Variants in TOP1 observed in about 807,000 individuals in gnomAD.
The protein encoded by TOP1 is DNA topoisomerase I.
Under a neutral mutation model 111.1 loss-of-function variants are expected in TOP1, and 10 were observed. That is an observed-to-expected ratio of 0.09 (90% confidence interval 0.06 to 0.15). The LOEUF is 0.15. TOP1 is among the 10% of genes least tolerant of loss of function. The probability of loss-of-function intolerance (pLI) is 1.00; values close to 1 mark genes in which losing one functional copy is unlikely to be tolerated. For missense variants in TOP1, 474 were observed against 926.7 expected (o/e 0.51, Z 6.34); for synonymous variants, 271 against 302.9 (o/e 0.89, Z 1.10).
chr20:41,077,452 TC>T (rs2033741598), intron 4 of TOP1, 129 bp from the exon 5 acceptor site: 2 of 709,442 alleles, frequency 2.8e-6, no homozygotes, highest in Non-Finnish European at 4.9e-6. Flanking sequence ...GTTCATCTGT[TC>T]AGTTTTGGTA....
At chr20:41,060,883 T>G (rs774890652) in intron 2 of TOP1, among the ~76,000 whole-genome samples, 9 of 152,214 alleles carry the variant, frequency 5.9e-5, no homozygotes, top group Non-Finnish European at 1.3e-4. Flanking sequence ...ACTATTTTTA[T>G]TTTTCCTTGA....
chr20:41,119,388 G>A (rs1322771806), intron 18 of TOP1, among the ~76,000 whole-genome samples: 3 of 152,182 alleles, frequency 2.0e-5, no homozygotes, highest in Non-Finnish European at 4.4e-5. Flanking sequence ...GTTGAGGTGG[G>A]AGAATCACTT....
Position 41,094,465 on chromosome 20 carries a change from T to C in TOP1, c.730+1878T>C, listed in dbSNP as rs1231215269. Among the ~76,000 whole-genome samples, 2 of 152,164 alleles carry C rather than the reference T, an allele frequency of 1.3e-5. No homozygotes were observed. The highest frequency in any genetic ancestry group is 4.8e-5 in the African/African-American group (2 of 41,438). On this transcript the variant is annotated intron_variant, in intron 9 of 20. Transcript: ENST00000361337. The surrounding 1 kb of genome is among the most constrained non-coding windows in gnomAD (Gnocchi z 4.4). ...GGTTCAAAGTGATGGGAGGGAAAGC[T>C]AGATTCCCTAGTCCTGTGGTTTCTC...
Position 41,115,439 on chromosome 20 carries a change from T to C in TOP1, c.1707T>C (p.Asn569=). The change falls in exon 16 of 21, where the codon AAT becomes AAC. Residue 569 remains asparagine (N), a splice_region_variant and synonymous_variant. Transcript: ENST00000361337. The surrounding 1 kb of genome is among the most constrained non-coding windows in gnomAD (Gnocchi z 6.3). ...QPEDDLFDRL[N]TGILNKHLQD... is the part of the protein sequence containing the mutation. ...AGGATGATCTTTTTGATAGACTCAA[T>C]GTGAGTAGATGAAGCACACAATGTT... is the stretch of plus-strand genomic sequence containing the variant. 1 of 1,610,136 alleles carries C rather than the reference T, an allele frequency of 6.2e-7. No homozygotes were observed. Among genetic ancestry groups the C allele is most frequent in the Non-Finnish European group, 8.5e-7 (1 of 1,176,496 alleles).
chr20:41,086,264 A>C (rs2033847420), intron 8 of TOP1, among the ~76,000 whole-genome samples: 1 of 140,996 alleles, frequency 7.1e-6, no homozygotes, highest in African/African-American at 2.5e-5. Flanking sequence ...CTCTGTCTCA[A>C]AAAAAAAAAA....
Position 41,076,308 on chromosome 20 carries a change from T to C in TOP1, c.279+14T>C. 2 of 1,596,634 alleles carry C rather than the reference T, an allele frequency of 1.3e-6. No homozygotes were observed. The highest frequency in any genetic ancestry group is 1.7e-6 in the Non-Finnish European group (2 of 1,173,780). On this transcript the variant is annotated intron_variant, in intron 4 of 20. Transcript: ENST00000361337. ...AAAGAGGAAAAGGTACAGAGTTTTC[T>C]AGTAGGGGAGGAAGGAACGTGGATG... is the stretch of plus-strand genomic sequence containing the variant.
In TOP1 at chr20:41,100,594, G is replaced by A; in HGVS notation, c.1163+351G>A. 5.1e-6 allele frequency: 1 copy of A among 194,572 alleles called. No homozygotes were observed. Among genetic ancestry groups the A allele is most frequent in the Non-Finnish European group, 1.0e-5 (1 of 95,954 alleles). The allele number at this position is 194,572 out of a possible 1,614,324, so 12.1% of individuals were successfully genotyped here. On this transcript the variant is annotated intron_variant, in intron 12 of 20. Coordinates refer to ENST00000361337, the MANE Select transcript of TOP1 (RefSeq NM_003286.4). This position sits in a 1 kb window ranked among gnomAD's most constrained non-coding sequence, Gnocchi z 4.4. ...AACTTTTGCAGTCTGAGGCACAACA[G>A]CAAAACTAGCACGACTTTCTTTTTC...
At chr20:41,113,935 C>T in intron 14 of TOP1, 35 bp from the exon 15 acceptor site, 1 of 1,515,266 alleles carries the variant, frequency 6.6e-7, no homozygotes, top group South Asian at 1.1e-5. Flanking sequence ...ATGTCTCTTC[C>T]ATTCATGCTC....
chr20:41,031,025 A>C (rs1329800334), intron 2 of TOP1, among the ~76,000 whole-genome samples: 2 of 152,352 alleles, frequency 1.3e-5, no homozygotes, highest in East Asian at 3.9e-4. Context: ...ATGTGTACCC[A>C]AAATGCTTTG....
At chr20:41,066,557 C>CTTTTTTTTTTT (rs776922601) in intron 3 of TOP1, among the ~76,000 whole-genome samples, 2 of 129,402 alleles carry the variant, frequency 1.5e-5, no homozygotes, top group Admixed American at 7.9e-5. Flanking sequence ...CTTTTCTTTT[C>CTTTTTTTTTTT]TTTTTTTTTT....
chr20:41,052,121 A>G (rs2033413032), intron 2 of TOP1, among the ~76,000 whole-genome samples: 1 of 152,164 alleles, frequency 6.6e-6, no homozygotes, highest in African/African-American at 2.4e-5. Context: ...GCTCTTTACC[A>G]CTGATTTATG....
chr20:41,091,225 A>T (rs1319795485), intron 8 of TOP1, among the ~76,000 whole-genome samples: 1 of 152,220 alleles, frequency 6.6e-6, no homozygotes, highest in East Asian at 1.9e-4. Flanking sequence ...AAAATATTGT[A>T]CTTGGAAAGT....
chr20:41,108,679 T>C (rs2034186492), intron 13 of TOP1, among the ~76,000 whole-genome samples: 1 of 152,184 alleles, frequency 6.6e-6, no homozygotes, highest in Non-Finnish European at 1.5e-5. Flanking sequence ...CCATTCTTTC[T>C]CTCCCACTCT....
At position 41,069,164 on chromosome 20, in the gene TOP1, T is replaced by C. The variant is rs2033642447; in HGVS notation, c.156-7007T>C. On this transcript the variant is annotated intron_variant, in intron 3 of 20. Transcript: ENST00000361337. The surrounding 1 kb of genome is among the most constrained non-coding windows in gnomAD (Gnocchi z 4.1). ...CCTACCTGAATTGTAATTGAGAGAA[T>C]GTAGGATTTTAGGAATATGCACTTG... 1.3e-5 allele frequency among the ~76,000 whole-genome samples: 2 copies of C among 152,238 alleles called. No individual in the cohort carries two copies. The highest frequency in any genetic ancestry group is 2.9e-5 in the Non-Finnish European group (2 of 68,038).
Position 41,116,061 on chromosome 20 carries a change from G to T in TOP1, c.1708-217G>T, listed in dbSNP as rs534729351. ...CACTCCAGGCTGGGTGTCAGAGTGA[G>T]ACCCTGTCATACACACACACAAAGA... On this transcript the variant is annotated intron_variant, in intron 16 of 20. Coordinates refer to ENST00000361337, the MANE Select transcript of TOP1 (RefSeq NM_003286.4). This position sits in a 1 kb window ranked among gnomAD's most constrained non-coding sequence, Gnocchi z 5.6. Among the ~76,000 whole-genome samples, 41 of 152,076 alleles carry T rather than the reference G, an allele frequency of 2.7e-4. No individual in the cohort carries two copies. Among genetic ancestry groups the T allele is most frequent in the South Asian group, 1.9e-3 (9 of 4,812 alleles).
In TOP1 at chr20:41,044,665, A is replaced by C. The variant is rs749015075; in HGVS notation, c.58+15210A>C. Among the ~76,000 whole-genome samples the C allele has an allele frequency of 8.7e-4, 133 of 152,356 alleles. 1 individual carries two copies. Among genetic ancestry groups the C allele is most frequent in the Non-Finnish European group, 1.4e-3 (96 of 68,034 alleles). Reference sequence around the variant, plus strand: ...TGCAATAGGCAGAGTGGAGAGTGCTAGGAAGCAGAGTATTTTCCTGGATAA... The same window carrying C: ...TGCAATAGGCAGAGTGGAGAGTGCTCGGAAGCAGAGTATTTTCCTGGATAA... On this transcript the variant is annotated intron_variant, in intron 2 of 20. Transcript: ENST00000361337.
chr20:41,099,853 A>G (rs565158128), intron 11 of TOP1, among the ~76,000 whole-genome samples: 86 of 152,314 alleles, frequency 5.6e-4, no homozygotes, highest in African/African-American at 1.6e-3. Context: ...GTTGAAATCA[A>G]TCCTTATAGG....
Position 41,061,231 on chromosome 20 carries a change from G to A in TOP1, c.59-163G>A, listed in dbSNP as rs886704037. 6.6e-6 allele frequency among the ~76,000 whole-genome samples: 1 copy of A among 152,060 alleles called. No homozygotes were observed. Among genetic ancestry groups the A allele is most frequent in the African/African-American group, 2.4e-5 (1 of 41,410 alleles). ...GTAGAAGCAGGCTAATGGGAGCTTT[G>A]TCTGGGCTTCTTTGTGAAAGCTTTT... On this transcript the variant is annotated intron_variant, in intron 2 of 20. Coordinates refer to ENST00000361337, the MANE Select transcript of TOP1 (RefSeq NM_003286.4). This position sits in a 1 kb window ranked among gnomAD's most constrained non-coding sequence, Gnocchi z 4.6.
At chr20:41,072,598 A>G (rs1377002285) in intron 3 of TOP1, 1 of 985,280 alleles carries the variant, frequency 1.0e-6, no homozygotes, top group African/African-American at 1.7e-5. Context: ...CTTCAGGCAC[A>G]TTCCTAGGAA....
Sources: gnomAD v4.1 joint callset for allele counts (sites outside exome capture counted in the v4.1 genomes callset) on GRCh38, gnomAD v4.1.1 for gene constraint, Gnocchi (gnomAD v3.1) non-coding constraint, MANE v1.5 for transcripts, NCBI Gene and HGNC (gene_info 2026-07-23, HGNC 2026-07-21) for gene names.